The following DMGDH variants were observed in gnomAD, a reference collection of about 807,000 sequenced individuals.
The protein encoded by DMGDH is dimethylglycine dehydrogenase, mitochondrial.
DMGDH carries 76 observed loss-of-function variants against 95.2 expected under a neutral mutation model. The ratio of observed to expected loss-of-function variants is 0.80; its 90% CI spans 0.66 to 0.97. The LOEUF (loss-of-function observed/expected upper bound fraction) is 0.97. DMGDH is among the 50% of genes least tolerant of loss of function. The pLI is 0.00. For missense variants in DMGDH, 987 were observed against 1,055.0 expected (o/e 0.94, Z 0.89); for synonymous variants, 345 against 377.6 (o/e 0.91, Z 1.00).
At chr5:79,012,865 A>T (rs1753668832) in intron 14 of DMGDH, among the ~76,000 whole-genome samples, 1 of 152,228 alleles carries the variant, frequency 6.6e-6, no homozygotes, top group South Asian at 2.1e-4. Flanking sequence ...CTGGCCCACA[A>T]AACATTCATT....
rs537955117 is a variant in DMGDH at position 79,032,927 on chromosome 5, C to A, written c.1364-87G>T. On this transcript the variant is annotated intron_variant, in intron 8 of 15. Transcript: ENST00000255189. ...GGATTCCAAATATGGAAATACAGTA[C>A]TTAAAATCCAGATGCATAAACATAC... 2.0e-6 allele frequency: 3 copies of A among 1,521,222 alleles called. No individual in the cohort carries two copies. In the African/African-American group the frequency reaches 4.1e-5, roughly 21 times the overall value. 94.2% of individuals were successfully genotyped at this position (1,521,222 alleles called of 1,614,324 possible).
At position 79,069,443 on chromosome 5, in the gene DMGDH, C is replaced by T. The variant is rs1755482373; in HGVS notation, c.101+77G>A. ...CTTGGAGGCCAGAGCGCTCCTAACC[C>T]CTGAGCCTGCCTCAGCCTCTGGCTC... On this transcript the variant is annotated intron_variant, in intron 1 of 15. Coordinates refer to ENST00000255189, the MANE Select transcript of DMGDH (RefSeq NM_013391.3). The T allele has an allele frequency of 1.0e-5, 9 of 876,746 alleles. 1 individual carries two copies. The South Asian group carries it at 3.9e-4, about 38-fold the overall frequency. The allele number at this position is 876,746 out of a possible 1,614,324, so 54.3% of individuals were successfully genotyped here.
chr5:79,006,437 A>G (rs773677605), intron 14 of DMGDH, among the ~76,000 whole-genome samples: 117 of 152,198 alleles, frequency 7.7e-4, no homozygotes, highest in Admixed American at 1.8e-3. Flanking sequence ...GAGCACTGAG[A>G]GTGAGCGCCC....
At chr5:79,040,847 G>A (rs185758083) in intron 7 of DMGDH, among the ~76,000 whole-genome samples, 2 of 152,290 alleles carry the variant, frequency 1.3e-5, no homozygotes, top group Admixed American at 6.5e-5. Flanking sequence ...TGATGTGCAG[G>A]AGAAGCACTC....
chr5:79,009,388 T>A (rs1216519941), intron 14 of DMGDH, among the ~76,000 whole-genome samples: 9 of 139,918 alleles, frequency 6.4e-5, no homozygotes, highest in Admixed American at 1.4e-4. Context: ...TGAGACAGAA[T>A]CTCTCTCTGT....
rs773452946 is a variant in DMGDH at position 78,998,316 on chromosome 5, C to T, written c.2386-19G>A. On this transcript the variant is annotated intron_variant, in intron 15 of 15. Coordinates refer to ENST00000255189, the MANE Select transcript of DMGDH (RefSeq NM_013391.3). ...CAACCACCTGGAAAACAAGACCCAA[C>T]AGTCCTCAGCATCTTGGTCACAGCT... 2.5e-6 allele frequency: 4 copies of T among 1,603,084 alleles called. No homozygotes were observed. The highest frequency in any genetic ancestry group is 2.6e-6 in the Non-Finnish European group (3 of 1,173,238).
chr5:79,056,951 C>T (rs1402028730), intron 2 of DMGDH, among the ~76,000 whole-genome samples: 2 of 152,184 alleles, frequency 1.3e-5, no homozygotes, highest in Admixed American at 6.5e-5. Context: ...GGACCATGGA[C>T]TAGCACAGGA....
At chr5:79,035,622 G>A (rs1011241090) in intron 7 of DMGDH, among the ~76,000 whole-genome samples, 3 of 151,534 alleles carry the variant, frequency 2.0e-5, no homozygotes, top group Non-Finnish European at 4.4e-5. Context: ...CCAGGGCAGA[G>A]CCAGGGGTGC....
chr5:79,029,801 G>T (rs971704483), intron 11 of DMGDH, 103 bp downstream of exon 11: 1 of 1,206,452 alleles, frequency 8.3e-7, no homozygotes, highest in Non-Finnish European at 1.2e-6. Context: ...GGTTTAAGAA[G>T]AAATAAAGTT....
intron 1 of DMGDH, among the ~76,000 whole-genome samples, chr5:79,066,582 C>A (rs999098746): frequency 6.6e-6 from 1 of 152,102 alleles, no homozygotes; most frequent in African/African-American, 2.4e-5. Context: ...GTGTGAGCCA[C>A]CACGCCCGGC....
At chr5:79,021,726 A>G (rs1753872100) in intron 14 of DMGDH, 3 of 1,288,674 alleles carry the variant, frequency 2.3e-6, no homozygotes, top group African/African-American at 1.5e-5. Flanking sequence ...CATGTGGGGG[A>G]AGTGTCTATT....
intron 15 of DMGDH, among the ~76,000 whole-genome samples, chr5:79,002,100 G>A (rs928699391): frequency 5.9e-5 from 9 of 152,010 alleles, no homozygotes; most frequent in Non-Finnish European, 1.3e-4. Flanking sequence ...CATTTCTCTC[G>A]CAAATTATGA....
At chr5:79,051,211 T>G in intron 5 of DMGDH, 76 bp downstream of exon 5, 1 of 1,452,310 alleles carries the variant, frequency 6.9e-7, no homozygotes, top group South Asian at 1.1e-5. Context: ...ATGTCCATCG[T>G]ACGAAACATT....
chr5:79,011,900 G>T (rs982821683), intron 14 of DMGDH, among the ~76,000 whole-genome samples: 1 of 152,122 alleles, frequency 6.6e-6, no homozygotes, highest in African/African-American at 2.4e-5. Context: ...CAACATTGGG[G>T]ATTACAATTC....
chr5:79,030,870 C>G lies in DMGDH; in HGVS notation c.1646G>C (p.Arg549Thr), dbSNP rs1561216101. ...KFNIKGQDSI[R>T]LLDHLFANVI... ...ATTTGCAAAGAGATGGTCCAGTAGTCTAATGGAATCTTGGCCTTTGATGTT... is the reference window on the plus strand; with the variant it reads ...ATTTGCAAAGAGATGGTCCAGTAGTGTAATGGAATCTTGGCCTTTGATGTT... Residue 549 changes from arginine (R) to threonine (T), a missense_variant, in exon 10 of 16, where the codon AGA (arginine) becomes ACA (threonine). Physicochemically the swap from Arg to Thr is moderately conservative, Grantham distance 71. Transcript: ENST00000255189. 1 of 1,614,052 alleles carries G rather than the reference C, an allele frequency of 6.2e-7. No individual in the cohort carries two copies. The highest frequency in any genetic ancestry group is 8.5e-7 in the Non-Finnish European group (1 of 1,180,022).
chr5:79,059,500 T>C (rs1755136075), intron 2 of DMGDH, among the ~76,000 whole-genome samples: 1 of 152,260 alleles, frequency 6.6e-6, no homozygotes, highest in African/African-American at 2.4e-5. Context: ...ACAAACTAGT[T>C]GGAAGGTATT....
intron 9 of DMGDH, among the ~76,000 whole-genome samples, chr5:79,031,361 A>T (rs1047538194): frequency 4.6e-5 from 7 of 152,238 alleles, no homozygotes; most frequent in East Asian, 1.9e-4. Flanking sequence ...AGAGCATTTT[A>T]AAATGGCCCT....
chr5:79,052,575 C>T (rs1244925804), intron 4 of DMGDH, among the ~76,000 whole-genome samples: 2 of 152,160 alleles, frequency 1.3e-5, no homozygotes, highest in African/African-American at 4.8e-5. Context: ...ATGGATAGGA[C>T]CTCGTTGTAG....
chr5:79,005,377 T>G lies in DMGDH; in HGVS notation c.2281A>C (p.Lys761Gln). The G allele has an allele frequency of 6.2e-7, 1 of 1,614,126 alleles. No homozygotes were observed. The highest frequency in any genetic ancestry group is 8.5e-7 in the Non-Finnish European group (1 of 1,180,008). Residue 761 changes from lysine to glutamine, a missense_variant, in exon 15 of 16, where the codon AAA becomes CAA. By Grantham distance (53) the Lys-to-Gln change is moderately conservative. Coordinates refer to ENST00000255189, the MANE Select transcript of DMGDH (RefSeq NM_013391.3). ...TTCAGCCCCTTGGCTTTAATCTGTT[T>G]CAGTGCTTGCTTTCCTATGAAGTCT... ...PADFIGKQAL[K>Q]QIKAKGLKRR... is the part of the protein sequence containing the mutation.
Sources: allele counts gnomAD v4.1 joint callset (sites outside exome capture counted in the v4.1 genomes callset), GRCh38; gene constraint gnomAD v4.1.1; transcripts MANE v1.5; gene names NCBI Gene and HGNC (gene_info 2026-07-23, HGNC 2026-07-21).